Variants in SORCS1 observed in about 807,000 individuals in gnomAD.
The protein encoded by SORCS1 is sortilin related VPS10 domain containing receptor 1, also known as VPS10 domain-containing receptor SorCS1.
Under a neutral mutation model 146.1 loss-of-function variants are expected in SORCS1, and 60 were observed. That is an observed-to-expected ratio of 0.41 (90% CI 0.33 to 0.51). SORCS1 has a LOEUF of 0.51. SORCS1 is among the 20% of genes least tolerant of loss of function. SORCS1 has a pLI of 0.21. For missense variants in SORCS1, 1,352 were observed against 1,487.6 expected (o/e 0.91, Z 1.50); for synonymous variants, 637 against 584.0 (o/e 1.09, Z -1.31).
chr10:107,049,419 T>C (rs72812908), intron 1 of SORCS1, among the ~76,000 whole-genome samples: 1,620 of 151,736 alleles, frequency 0.011, 15 homozygotes, highest in South Asian at 0.028. Flanking sequence ...TAAGGTATAA[T>C]AAAAAAAATA....
the SORCS1 span, among the ~76,000 whole-genome samples, chr10:107,178,462 G>A: frequency 6.6e-6 from 1 of 151,012 alleles, no homozygotes; most frequent in African/African-American, 2.4e-5. Flanking sequence ...CAGATGACAG[G>A]ATTTCATTCT....
rs1295025532 is a variant in SORCS1 at position 106,835,920 on chromosome 10, G to A, written c.627-6247C>T. On this transcript the variant is annotated intron_variant, in intron 2 of 25. Transcript: ENST00000263054. ...CTCAGGAGGCTGAGGCAGGAGAATC[G>A]CTTGAACTCGGAAGGCGGAGGTTGC... 4.0e-5 allele frequency among the ~76,000 whole-genome samples: 6 copies of A among 151,718 alleles called. No individual in the cohort carries two copies. In the South Asian group the frequency reaches 8.3e-4, roughly 21 times the overall value.
chr10:106,601,692 A>C (rs974803181), intron 23 of SORCS1, among the ~76,000 whole-genome samples: 2 of 152,224 alleles, frequency 1.3e-5, no homozygotes, highest in Non-Finnish European at 2.9e-5. Context: ...TATCCATGGC[A>C]GCTATGCAGT....
At chr10:106,912,548 A>C (rs1952218578) in intron 2 of SORCS1, among the ~76,000 whole-genome samples, 1 of 152,238 alleles carries the variant, frequency 6.6e-6, no homozygotes, top group Non-Finnish European at 1.5e-5. Context: ...AAGTGATTGC[A>C]TTAAGGATCA....
intron 3 of SORCS1, among the ~76,000 whole-genome samples, chr10:106,810,278 C>T (rs926308614): frequency 6.6e-6 from 1 of 152,122 alleles, no homozygotes; most frequent in Non-Finnish European, 1.5e-5. Context: ...GTCCAAGCTG[C>T]CTTAAAGCTA....
chr10:106,910,733 G>A (rs1274370299), intron 2 of SORCS1, among the ~76,000 whole-genome samples: 1 of 152,102 alleles, frequency 6.6e-6, no homozygotes, highest in Non-Finnish European at 1.5e-5. Context: ...CCCATCCATG[G>A]TCCTTCAGTG....
chr10:107,014,967 G>A (rs996481751), intron 1 of SORCS1, among the ~76,000 whole-genome samples: 1 of 152,140 alleles, frequency 6.6e-6, no homozygotes, highest in Non-Finnish European at 1.5e-5. Flanking sequence ...CAACTACTAA[G>A]AGAATATATT....
At chr10:107,068,096 A>C (rs1962062264) in intron 1 of SORCS1, among the ~76,000 whole-genome samples, 1 of 152,086 alleles carries the variant, frequency 6.6e-6, no homozygotes, top group Non-Finnish European at 1.5e-5. Flanking sequence ...TACCAAAATG[A>C]TGTTACTGAG....
chr10:106,594,445 G>A (rs1309603608), intron 24 of SORCS1, among the ~76,000 whole-genome samples: 1 of 152,094 alleles, frequency 6.6e-6, no homozygotes, highest in Non-Finnish European at 1.5e-5. Context: ...TCGTTTCTTT[G>A]TGGTGGGAAC....
intron 1 of SORCS1, among the ~76,000 whole-genome samples, chr10:106,986,745 T>A (rs192280026): frequency 2.0e-5 from 3 of 152,342 alleles, no homozygotes; most frequent in Non-Finnish European, 4.4e-5. Context: ...CCTTACACAG[T>A]CTCCACTCTG....
At chr10:106,637,824 G>C (rs1487505311) in intron 18 of SORCS1, among the ~76,000 whole-genome samples, 1 of 152,210 alleles carries the variant, frequency 6.6e-6, no homozygotes, top group Non-Finnish European at 1.5e-5. Flanking sequence ...CTAATGCCCA[G>C]ATCAAGGCAT....
intron 6 of SORCS1, among the ~76,000 whole-genome samples, chr10:106,712,191 CA>C (rs1302785355): frequency 6.6e-6 from 1 of 152,136 alleles, no homozygotes; most frequent in African/African-American, 2.4e-5. Context: ...ATCTCCCTGG[CA>C]AACTAAAATT....
chr10:106,776,072 C>T (rs1860411875), intron 4 of SORCS1, among the ~76,000 whole-genome samples: 1 of 152,176 alleles, frequency 6.6e-6, no homozygotes, highest in Non-Finnish European at 1.5e-5. Context: ...TACCTATATA[C>T]ATCATTATTG....
intron 1 of SORCS1, among the ~76,000 whole-genome samples, chr10:107,016,879 G>A (rs1033556523): frequency 2.0e-5 from 3 of 152,190 alleles, no homozygotes; most frequent in Non-Finnish European, 2.9e-5. Context: ...AAATTCACAG[G>A]AGAGCTAAAC....
intron 9 of SORCS1, among the ~76,000 whole-genome samples, chr10:106,689,708 T>A (rs1265622458): frequency 2.6e-5 from 4 of 152,172 alleles, no homozygotes; most frequent in Non-Finnish European, 4.4e-5. Context: ...ATTCTACAGA[T>A]AAAGAAACTG....
intron 3 of SORCS1, among the ~76,000 whole-genome samples, chr10:106,812,866 G>T (rs1947540556): frequency 6.6e-6 from 1 of 152,136 alleles, no homozygotes; most frequent in African/African-American, 2.4e-5. Flanking sequence ...AAAGGTTAAA[G>T]GTAACGATAG....
At chr10:106,892,859 T>TA (rs1452417852) in intron 2 of SORCS1, among the ~76,000 whole-genome samples, 1 of 148,998 alleles carries the variant, frequency 6.7e-6, no homozygotes, top group Non-Finnish European at 1.5e-5. Flanking sequence ...ACTCACTCAA[T>TA]AAAATCACAG....
At chr10:106,720,248 C>T (rs541636375) in intron 6 of SORCS1, among the ~76,000 whole-genome samples, 3 of 152,234 alleles carry the variant, frequency 2.0e-5, no homozygotes, top group South Asian at 2.1e-4. Flanking sequence ...TCTGATGTGG[C>T]GTAGATGTCC....
chr10:107,141,514 C>T (rs994573846), intron 1 of SORCS1, among the ~76,000 whole-genome samples: 1 of 152,122 alleles, frequency 6.6e-6, no homozygotes, highest in African/African-American at 2.4e-5. Context: ...TGGGGCAGTG[C>T]TCAGATCACT....
Sources: gnomAD v4.1 joint callset for allele counts (sites outside exome capture counted in the v4.1 genomes callset) on GRCh38, gnomAD v4.1.1 for gene constraint, MANE v1.5 for transcripts, NCBI Gene and HGNC (gene_info 2026-07-23, HGNC 2026-07-21) for gene names.